The following DNAJC18 variants were observed in gnomAD, a reference collection of about 807,000 sequenced individuals.
DNAJC18 encodes dnaJ homolog subfamily C member 18.
A neutral mutation model predicts 48.6 loss-of-function variants in DNAJC18; 40 were observed. The ratio of observed to expected loss-of-function variants is 0.82; its 90% CI spans 0.64 to 1.07. The LOEUF (loss-of-function observed/expected upper bound fraction) is 1.07, where lower values mean the gene tolerates loss of function less well. Among genes scored for constraint, DNAJC18 ranks in the 50% least tolerant of loss-of-function variants. The pLI is 0.00. For synonymous variants in DNAJC18, 135 were observed against 152.2 expected (o/e 0.89, Z 0.83); for missense variants, 340 against 427.7 (o/e 0.79, Z 1.81).
At position 139,420,148 on chromosome 5, in the gene DNAJC18, G is replaced by C. The variant is rs1365780974; in HGVS notation, c.857C>G (p.Ala286Gly). 6.2e-7 allele frequency: 1 copy of C among 1,611,518 alleles called. No homozygotes were observed. The highest frequency in any genetic ancestry group is 1.3e-5 in the African/African-American group (1 of 74,714). Residue 286 changes from alanine to glycine, a missense_variant, in exon 7 of 8, where the codon GCC (alanine) becomes GGC (glycine). Ala to Gly is a moderately conservative substitution (Grantham distance 60). Coordinates refer to ENST00000302060, the MANE Select transcript of DNAJC18 (RefSeq NM_152686.4). ...PYFVDKNFDKAYRGASLHDLE... is the reference protein window; with the variant it reads ...PYFVDKNFDKGYRGASLHDLE... ...GTCATGCAGAGAAGCTCCTCTGTAG[G>C]CCTTGTCAAAGTTTTTATCCACAAA...
intron 5 of DNAJC18, among the ~76,000 whole-genome samples, chr5:139,423,876 A>G (rs982842857): frequency 1.3e-5 from 2 of 152,146 alleles, no homozygotes; most frequent in African/African-American, 2.4e-5. Flanking sequence ...GTCCAACAAC[A>G]ACCTGGATTG....
In DNAJC18 at chr5:139,426,238, C is replaced by A. The variant is rs1310464509; in HGVS notation, c.493G>T (p.Asp165Tyr). 6.2e-7 allele frequency: 1 copy of A among 1,614,208 alleles called. No homozygotes were observed. Among genetic ancestry groups the A allele is most frequent in the East Asian group, 2.2e-5 (1 of 44,890 alleles). ...PRARPYNYYRDFEADITPEEL... is the reference protein window; with the variant it reads ...PRARPYNYYRYFEADITPEEL... ...TCTGGAGTGATGTCAGCTTCAAAAT[C>A]CCTGTAATAATTATAAGGTCTGGCT... The change falls in exon 4 of 8, where the codon GAT becomes TAT. Residue 165 changes from aspartate to tyrosine, a missense_variant. Transcript: ENST00000302060.
At chr5:139,430,810 A>T (rs1339131133) in intron 2 of DNAJC18, among the ~76,000 whole-genome samples, 1 of 152,092 alleles carries the variant, frequency 6.6e-6, no homozygotes, top group East Asian at 1.9e-4. Flanking sequence ...ACCTCAAGTG[A>T]TCCACCTGCC....
chr5:139,416,042 T>G (rs1759064776), intron 7 of DNAJC18, among the ~76,000 whole-genome samples: 1 of 152,128 alleles, frequency 6.6e-6, no homozygotes, highest in Non-Finnish European at 1.5e-5. Context: ...AGACCCCTGC[T>G]CCAGAGCAAT....
At chr5:139,418,036 C>T (rs3924257) in intron 7 of DNAJC18, among the ~76,000 whole-genome samples, 5 of 151,942 alleles carry the variant, frequency 3.3e-5, no homozygotes, top group African/African-American at 7.3e-5. Flanking sequence ...GTGGGGCAGG[C>T]GGGTGTTTGA....
chr5:139,414,005 T>C lies in DNAJC18; in HGVS notation c.*143A>G, dbSNP rs111737276. 765 of 1,262,584 alleles carry C rather than the reference T, an allele frequency of 6.1e-4. 7 individuals are homozygous for C. The African/African-American group carries it at 0.01, about 17-fold the overall frequency. 78.2% of individuals were successfully genotyped at this position (1,262,584 alleles called of 1,614,324 possible). A position where few individuals can be genotyped will look rare whatever the true frequency, so the allele number is the denominator to read the frequency against. ...AAGACACATCTGGCTCTCGTGCCCA[T>C]GCTCCTGCCACTCTGCCCAACCAAC... On this transcript the variant is annotated 3_prime_UTR_variant, in exon 8 of 8. Coordinates refer to ENST00000302060, the MANE Select transcript of DNAJC18 (RefSeq NM_152686.4).
intron 7 of DNAJC18, among the ~76,000 whole-genome samples, chr5:139,415,682 C>T (rs895390231): frequency 6.6e-6 from 1 of 152,186 alleles, no homozygotes; most frequent in African/African-American, 2.4e-5. Flanking sequence ...TGCATCCTGC[C>T]CAGGGCTCGG....
At chr5:139,431,352 A>G (rs529609358) in intron 2 of DNAJC18, among the ~76,000 whole-genome samples, 1 of 152,312 alleles carries the variant, frequency 6.6e-6, no homozygotes, top group Non-Finnish European at 1.5e-5. Context: ...TATACTCCTT[A>G]GTAGTCACTC....
At chr5:139,435,453 T>C (rs968216107) in intron 2 of DNAJC18, among the ~76,000 whole-genome samples, 2 of 152,212 alleles carry the variant, frequency 1.3e-5, no homozygotes, top group African/African-American at 2.4e-5. Context: ...GTATGTTACA[T>C]TGATTGACTT....
chr5:139,412,949 C>T lies in DNAJC18; in HGVS notation c.*1199G>A. 1 of 398,574 alleles carries T rather than the reference C, an allele frequency of 2.5e-6. No individual in the cohort carries two copies. Among genetic ancestry groups the T allele is most frequent in the African/African-American group, 2.1e-5 (1 of 48,760 alleles). The allele number at this position is 398,574 out of a possible 1,614,324, so 24.7% of individuals were successfully genotyped here. A position where few individuals can be genotyped will look rare whatever the true frequency, so the allele number is the denominator to read the frequency against. On this transcript the variant is annotated 3_prime_UTR_variant, in exon 8 of 8. Transcript: ENST00000302060. ...TAGAATCACCTGAGACATGAGGATG[C>T]TCTCCCACTTTCTACTTGACACTCA... is the stretch of plus-strand genomic sequence containing the variant.
chr5:139,420,651 C>A (rs1164395431), intron 6 of DNAJC18, among the ~76,000 whole-genome samples: 1 of 150,988 alleles, frequency 6.6e-6, no homozygotes, highest in African/African-American at 2.4e-5. Context: ...TAGCTCACAC[C>A]AACCTAGAAG....
chr5:139,437,705 A>G (rs1349053916), intron 1 of DNAJC18, 147 bp from the exon 2 acceptor site: 23 of 828,192 alleles, frequency 2.8e-5, no homozygotes, highest in Non-Finnish European at 3.9e-5. Flanking sequence ...ACTTTTAAGC[A>G]CTCATACAAA....
At position 139,413,950 on chromosome 5, in the gene DNAJC18, C is replaced by G. The variant is rs1478766361; in HGVS notation, c.*198G>C. 6 of 689,564 alleles carry G rather than the reference C, an allele frequency of 8.7e-6. No homozygotes were observed. Among genetic ancestry groups the G allele is most frequent in the Non-Finnish European group, 1.4e-5 (6 of 435,230 alleles). The allele number at this position is 689,564 out of a possible 1,614,324, so 42.7% of individuals were successfully genotyped here. A position where few individuals can be genotyped will look rare whatever the true frequency, so the allele number is the denominator to read the frequency against. Reference sequence around the variant, plus strand: ...AACTTAGATGAACTACTCCTGGTCCCTGGAGCCACTCCCCAGGAAGGATCC... The same window carrying G: ...AACTTAGATGAACTACTCCTGGTCCGTGGAGCCACTCCCCAGGAAGGATCC... On this transcript the variant is annotated 3_prime_UTR_variant, in exon 8 of 8. Transcript: ENST00000302060.
In DNAJC18 at chr5:139,420,133, G is replaced by T; in HGVS notation, c.872C>A (p.Ser291Tyr). 6.2e-7 allele frequency: 1 copy of T among 1,609,878 alleles called. No individual in the cohort carries two copies. Among genetic ancestry groups the T allele is most frequent in the African/African-American group, 1.3e-5 (1 of 74,746 alleles). Residue 291 changes from serine (S) to tyrosine (Y), a missense_variant, in exon 7 of 8, where the codon TCT becomes TAT. Coordinates refer to ENST00000302060, the MANE Select transcript of DNAJC18 (RefSeq NM_152686.4). ...KNFDKAYRGA[S>Y]LHDLEKTIEK... ...TATTGTTTTCTCCAAGTCATGCAGA[G>T]AAGCTCCTCTGTAGGCCTTGTCAAA...
At position 139,422,567 on chromosome 5, in the gene DNAJC18, T is replaced by C. The variant is rs1759171673; in HGVS notation, c.779+141A>G. The C allele has an allele frequency of 1.2e-5, 8 of 664,572 alleles. No homozygotes were observed. The South Asian group carries it at 1.4e-4, about 12-fold the overall frequency. The allele number at this position is 664,572 out of a possible 1,614,324, so 41.2% of individuals were successfully genotyped here. A position where few individuals can be genotyped will look rare whatever the true frequency, so the allele number is the denominator to read the frequency against. On this transcript the variant is annotated intron_variant, in intron 6 of 7. Transcript: ENST00000302060. ...TATTTTTGAGTCTCAGCACCATGAC[T>C]ACCCAGCTGTTCCTTTAAACATCAA...
At chr5:139,414,637 T>G (rs1379965854) in intron 7 of DNAJC18, among the ~76,000 whole-genome samples, 2 of 152,258 alleles carry the variant, frequency 1.3e-5, no homozygotes, top group Non-Finnish European at 2.9e-5. Flanking sequence ...TGGAGTCCAG[T>G]GGCCTATTCC....
At chr5:139,431,514 A>C (rs182863017) in intron 2 of DNAJC18, among the ~76,000 whole-genome samples, 1 of 152,208 alleles carries the variant, frequency 6.6e-6, no homozygotes, top group Non-Finnish European at 1.5e-5. Context: ...AGGTTCATCC[A>C]TGTTGTAGCA....
chr5:139,425,910 C>T (rs1210604161), intron 4 of DNAJC18, among the ~76,000 whole-genome samples: 1 of 152,154 alleles, frequency 6.6e-6, no homozygotes, highest in African/African-American at 2.4e-5. Flanking sequence ...AATATCTAAT[C>T]CTCACAGTGA....
intron 7 of DNAJC18, among the ~76,000 whole-genome samples, chr5:139,417,786 T>A (rs1759092183): frequency 2.0e-5 from 3 of 152,002 alleles, no homozygotes; most frequent in Admixed American, 6.6e-5. Context: ...GTTGGCCAGG[T>A]TGGTCTCGAA....
Sources: gnomAD v4.1 joint callset for allele counts (sites outside exome capture counted in the v4.1 genomes callset) on GRCh38, gnomAD v4.1.1 for gene constraint, MANE v1.5 for transcripts, NCBI Gene and HGNC (gene_info 2026-07-23, HGNC 2026-07-21) for gene names.